Variants in SH3BP4 observed in about 807,000 individuals in gnomAD.
The protein encoded by SH3BP4 is SH3 domain-binding protein 4.
Under a neutral mutation model 65.5 loss-of-function variants are expected in SH3BP4, and 33 were observed. The ratio of observed to expected loss-of-function variants is 0.50; its 90% confidence interval spans 0.38 to 0.67. The LOEUF (loss-of-function observed/expected upper bound fraction) is 0.67. Among genes scored for constraint, SH3BP4 ranks in the 30% least tolerant of loss-of-function variants. SH3BP4 has a pLI of 0.00. For synonymous variants in SH3BP4, 552 were observed against 545.5 expected (o/e 1.01, Z -0.17); for missense variants, 1,134 against 1,261.4 (o/e 0.90, Z 1.53).
In SH3BP4 at chr2:235,030,119, A is replaced by AT. The variant is rs796814211; in HGVS notation, c.-132-4745dup. On this transcript the variant is annotated intron_variant, in intron 2 of 5. Transcript: ENST00000392011. The surrounding 1 kb of genome is among the most constrained non-coding windows in gnomAD (Gnocchi z 4.1). ...TCTCAGGCCAGGGGAGAGCAGACTG[A>AT]TTTTTTTAAAAGCGGTGAGCACTGT... Among the ~76,000 whole-genome samples the AT allele has an allele frequency of 3.9e-5, 6 of 152,104 alleles. No homozygotes were observed. Among genetic ancestry groups the AT allele is most frequent in the African/African-American group, 9.7e-5 (4 of 41,404 alleles).
chr2:235,023,886 T>C (rs1694917744), intron 2 of SH3BP4, among the ~76,000 whole-genome samples: 2 of 152,186 alleles, frequency 1.3e-5, no homozygotes, highest in Admixed American at 1.3e-4. Flanking sequence ...TCAAGCTCTG[T>C]GTGAGGAACT....
At chr2:235,001,529 A>G (rs1358908630) in intron 2 of SH3BP4, among the ~76,000 whole-genome samples, 2 of 152,180 alleles carry the variant, frequency 1.3e-5, no homozygotes, top group Non-Finnish European at 2.9e-5. Flanking sequence ...TTTAGCTTTT[A>G]TTTCTTGTGC....
At chr2:235,018,786 G>C (rs778349387) in intron 2 of SH3BP4, among the ~76,000 whole-genome samples, 5 of 152,150 alleles carry the variant, frequency 3.3e-5, no homozygotes, top group Non-Finnish European at 7.3e-5. Flanking sequence ...GGGCACATCT[G>C]GGAACGGAGT....
chr2:234,966,746 G>C (rs555578604), intron 1 of SH3BP4, among the ~76,000 whole-genome samples: 2 of 152,254 alleles, frequency 1.3e-5, no homozygotes, highest in Non-Finnish European at 2.9e-5. Context: ...ATATTCCTTT[G>C]AATTATAAGG....
At position 235,042,899 on chromosome 2, in the gene SH3BP4, G is replaced by C. The variant is rs772774704; in HGVS notation, c.2130G>C (p.Arg710Ser). Residue 710 changes from arginine to serine, a missense_variant, in exon 4 of 6, where the codon AGG becomes AGC. Physicochemically the swap from Arg to Ser is moderately radical, Grantham distance 110 (BLOSUM62 -1). Transcript: ENST00000392011. The surrounding 1 kb of genome is among the most constrained non-coding windows in gnomAD (Gnocchi z 7.3). Reference protein sequence around the residue: ...KEWYIGYYQGRVGLVHTKNVL... With the variant: ...KEWYIGYYQGSVGLVHTKNVL... ...GGTACATCGGCTACTACCAGGGCAG[G>C]GTGGGCCTCGTGCACACCAAGAACG... The C allele has an allele frequency of 6.2e-7, 1 of 1,613,470 alleles. No homozygotes were observed. Among genetic ancestry groups the C allele is most frequent in the African/African-American group, 1.3e-5 (1 of 75,070 alleles).
chr2:235,038,292 A>ATATAC (rs1695472520), intron 3 of SH3BP4, among the ~76,000 whole-genome samples: 1 of 11,900 alleles, frequency 8.4e-5, no homozygotes. Context: ...TATATATAAT[A>ATATAC]TATATATTAT....
At position 234,997,200 on chromosome 2, in the gene SH3BP4, C is replaced by T. The variant is rs1032858330; in HGVS notation, c.-133+1824C>T. The stretch of plus-strand genomic sequence containing the variant: ...CAGTTAGAGACCATCCACAGGCCAC[C>T]ACACTTTAAGCTGATTTTCGTTTTG... On this transcript the variant is annotated intron_variant, in intron 2 of 5. Transcript: ENST00000392011. The surrounding 1 kb of genome is among the most constrained non-coding windows in gnomAD (Gnocchi z 4.2). Among the ~76,000 whole-genome samples, 1 of 152,154 alleles carries T rather than the reference C, an allele frequency of 6.6e-6. No homozygotes were observed. The highest frequency in any genetic ancestry group is 2.4e-5 in the African/African-American group (1 of 41,426).
intron 2 of SH3BP4, among the ~76,000 whole-genome samples, chr2:235,023,476 G>A (rs542453888): frequency 1.2e-3 from 177 of 152,288 alleles, no homozygotes; most frequent in African/African-American, 3.9e-3. Flanking sequence ...GAACCCGGGT[G>A]GTGGGGGTTG....
At chr2:234,956,127 C>G (rs1692581282) in intron 1 of SH3BP4, among the ~76,000 whole-genome samples, 1 of 152,218 alleles carries the variant, frequency 6.6e-6, no homozygotes, top group Non-Finnish European at 1.5e-5. Context: ...CTTTCTCAGC[C>G]TAAATGGAAG....
In SH3BP4 at chr2:235,046,082, C is replaced by T. The variant is rs565058285; in HGVS notation, c.2478+2835C>T. Among the ~76,000 whole-genome samples, 1 of 152,312 alleles carries T rather than the reference C, an allele frequency of 6.6e-6. No homozygotes were observed. The highest frequency in any genetic ancestry group is 1.5e-5 in the Non-Finnish European group (1 of 68,022). On this transcript the variant is annotated intron_variant, in intron 4 of 5. Transcript: ENST00000392011. This position sits in a 1 kb window ranked among gnomAD's most constrained non-coding sequence, Gnocchi z 4.2. ...GGCCACTGTGCTCTGTGCACCCCTG[C>T]CCTGAACACACCCAGCTCGCCCGGC...
At chr2:235,047,483 G>A (rs895745277) in intron 4 of SH3BP4, among the ~76,000 whole-genome samples, 7 of 152,250 alleles carry the variant, frequency 4.6e-5, no homozygotes, top group African/African-American at 1.7e-4. Flanking sequence ...CAGTGGTAGA[G>A]GCCTTTGAAA....
chr2:235,038,323 A>AT (rs1695484399), intron 3 of SH3BP4, among the ~76,000 whole-genome samples: 2 of 5,682 alleles, frequency 3.5e-4, no homozygotes, highest in African/African-American at 1.2e-3. Context: ...TATATATTAT[A>AT]TATATATTAT....
chr2:235,014,082 G>A, intron 2 of SH3BP4, among the ~76,000 whole-genome samples: 2 of 151,844 alleles, frequency 1.3e-5, no homozygotes, highest in Middle Eastern at 6.8e-3. Flanking sequence ...TAAAGTATAT[G>A]TTAATCAACT....
At position 235,053,848 on chromosome 2, in the gene SH3BP4, T is replaced by C. The variant is rs771576042; in HGVS notation, c.*32T>C. The C allele has an allele frequency of 9.2e-6, 14 of 1,524,282 alleles. No individual in the cohort carries two copies. The East Asian group carries it at 2.9e-4, about 32-fold the overall frequency. 94.4% of individuals were successfully genotyped at this position (1,524,282 alleles called of 1,614,324 possible). On this transcript the variant is annotated 3_prime_UTR_variant, in exon 6 of 6. Transcript: ENST00000392011. ...CCCCTCCCCTCCTGCTGCTCTGGAGTGCAAGCCCTCTTCTGCCCTGCGTGC... is the reference window on the plus strand; with the variant it reads ...CCCCTCCCCTCCTGCTGCTCTGGAGCGCAAGCCCTCTTCTGCCCTGCGTGC...
chr2:235,002,974 A>C (rs1319291414), intron 2 of SH3BP4, among the ~76,000 whole-genome samples: 1 of 152,246 alleles, frequency 6.6e-6, no homozygotes, highest in African/African-American at 2.4e-5. Flanking sequence ...TGATCTCCTG[A>C]TTTCAAAAGA....
chr2:234,972,110 C>T (rs529396206), intron 1 of SH3BP4, among the ~76,000 whole-genome samples: 11 of 149,108 alleles, frequency 7.4e-5, no homozygotes, highest in South Asian at 4.3e-4. Context: ...CCACCGTGCC[C>T]GGCCTTTTTT....
At chr2:235,038,649 T>A (rs6431333) in intron 3 of SH3BP4, among the ~76,000 whole-genome samples, 48,117 of 150,942 alleles carry the variant, frequency 0.32, 7,748 homozygotes, top group East Asian at 0.47. Flanking sequence ...CATAAGCAAG[T>A]GTCATGAGCT....
At chr2:235,007,999 C>A (rs754909613) in intron 2 of SH3BP4, among the ~76,000 whole-genome samples, 2 of 152,140 alleles carry the variant, frequency 1.3e-5, no homozygotes, top group African/African-American at 4.8e-5. Context: ...GAGGATGCCG[C>A]GTGAGCTGCA....
At chr2:235,020,048 C>G (rs1694807056) in intron 2 of SH3BP4, among the ~76,000 whole-genome samples, 1 of 152,126 alleles carries the variant, frequency 6.6e-6, no homozygotes, top group Non-Finnish European at 1.5e-5. Context: ...TAGGAAGATT[C>G]TTCTTTGCGA....
Sources: allele counts gnomAD v4.1 joint callset (sites outside exome capture counted in the v4.1 genomes callset), GRCh38; gene constraint gnomAD v4.1.1; non-coding constraint Gnocchi (gnomAD v3.1); transcripts MANE v1.5; gene names NCBI Gene and HGNC (gene_info 2026-07-23, HGNC 2026-07-21).